Variants in ROBO2 observed in about 807,000 individuals in gnomAD.
ROBO2 encodes roundabout guidance receptor 2.
A neutral mutation model predicts 160.8 loss-of-function variants in ROBO2; 53 were observed. The observed-to-expected ratio is 0.33, with a 90% CI of 0.26 to 0.41. ROBO2 has a LOEUF of 0.41. Ranked by LOEUF, ROBO2 falls within the 10% of genes least tolerant of loss-of-function variation. The pLI, the probability that ROBO2 is intolerant of heterozygous loss-of-function variation, is 1.00. For synonymous variants in ROBO2, 664 were observed against 611.7 expected, an observed-to-expected ratio of 1.09 and a Z score of -1.26; for missense variants, 1,577 against 1,722.4, an observed-to-expected ratio of 0.92 and a Z score of 1.49.
intron 2 of ROBO2, among the ~76,000 whole-genome samples, chr3:76,954,493 A>T (rs1334490557): frequency 6.6e-6 from 1 of 152,158 alleles, no homozygotes; most frequent in Non-Finnish European, 1.5e-5. Flanking sequence ...TACTTCTAAC[A>T]CTATGTCTGT....
intron 6 of ROBO2, among the ~76,000 whole-genome samples, chr3:77,524,685 A>T (rs892335068): frequency 1.3e-5 from 2 of 151,392 alleles, no homozygotes; most frequent in Non-Finnish European, 3.0e-5. Context: ...TAATTTGCTG[A>T]AAGTTTCAGG....
chr3:77,115,334 A>G (rs1407408078), intron 2 of ROBO2, among the ~76,000 whole-genome samples: 1 of 152,226 alleles, frequency 6.6e-6, no homozygotes, highest in Non-Finnish European at 1.5e-5. Flanking sequence ...ACATGTACTC[A>G]GAAAATAGGA....
At chr3:77,442,070 T>C (rs2079979267) in intron 2 of ROBO2, among the ~76,000 whole-genome samples, 1 of 152,162 alleles carries the variant, frequency 6.6e-6, no homozygotes, top group South Asian at 2.1e-4. Flanking sequence ...CCCAGCACTT[T>C]GGGAGGCCTA....
At chr3:76,401,704 T>G (rs889377123) in intron 2 of ROBO2, among the ~76,000 whole-genome samples, 5 of 151,074 alleles carry the variant, frequency 3.3e-5, no homozygotes, top group African/African-American at 1.2e-4. Context: ...GTTTTACAGG[T>G]AAGGGAATAA....
intron 1 of ROBO2, among the ~76,000 whole-genome samples, chr3:77,076,415 C>CAACAG (rs1240426577): frequency 4.6e-5 from 7 of 152,034 alleles, no homozygotes; most frequent in African/African-American, 1.7e-4. Context: ...AAGCATTTAA[C>CAACAG]AACAGTTTAT....
At chr3:77,621,657 T>C (rs551822277) in intron 22 of ROBO2, among the ~76,000 whole-genome samples, 87 of 152,262 alleles carry the variant, frequency 5.7e-4, no homozygotes, top group Non-Finnish European at 1.2e-3. Flanking sequence ...AAATTAGTTG[T>C]GCCTACCCTA....
chr3:77,558,377 G>A (rs965265497), intron 9 of ROBO2, among the ~76,000 whole-genome samples: 14 of 151,994 alleles, frequency 9.2e-5, no homozygotes, highest in Middle Eastern at 3.2e-3. Context: ...TTTTATTCCT[G>A]TATCCCATTC....
At chr3:77,202,214 C>T (rs548566687) in intron 2 of ROBO2, among the ~76,000 whole-genome samples, 1 of 152,054 alleles carries the variant, frequency 6.6e-6, no homozygotes, top group East Asian at 1.9e-4. Flanking sequence ...GAGTTTTAAC[C>T]ATATGTGTTA....
chr3:76,275,536 T>G (rs1254457807), intron 2 of ROBO2, among the ~76,000 whole-genome samples: 1 of 152,160 alleles, frequency 6.6e-6, no homozygotes, highest in Non-Finnish European at 1.5e-5. Context: ...CTATTTCTAA[T>G]ACACAGAATG....
At chr3:76,331,977 C>T (rs1408620236) in intron 2 of ROBO2, among the ~76,000 whole-genome samples, 1 of 152,096 alleles carries the variant, frequency 6.6e-6, no homozygotes, top group African/African-American at 2.4e-5. Context: ...AGCCACTGCG[C>T]CCGCCCTAAT....
chr3:77,193,517 C>T (rs2082064104), intron 2 of ROBO2, among the ~76,000 whole-genome samples: 2 of 151,354 alleles, frequency 1.3e-5, no homozygotes, highest in South Asian at 4.2e-4. Flanking sequence ...TATCTAACCT[C>T]AAGTGATTCC....
intron 2 of ROBO2, among the ~76,000 whole-genome samples, chr3:76,978,189 T>G (rs2149312940): frequency 6.6e-6 from 1 of 152,312 alleles, no homozygotes; most frequent in South Asian, 2.1e-4. Context: ...GAGAACCTAC[T>G]TCAAGGTGGT....
intron 2 of ROBO2, among the ~76,000 whole-genome samples, chr3:76,996,672 C>T (rs2061030029): frequency 6.6e-6 from 1 of 152,114 alleles, no homozygotes; most frequent in Non-Finnish European, 1.5e-5. Context: ...TCAAACTGAA[C>T]TTCTTTTAAT....
At chr3:75,996,979 C>G (rs1265881596) in intron 2 of ROBO2, among the ~76,000 whole-genome samples, 1 of 152,210 alleles carries the variant, frequency 6.6e-6, no homozygotes, top group African/African-American at 2.4e-5. Flanking sequence ...ATGATCAGCA[C>G]TCTTCCTTCA....
intron 2 of ROBO2, among the ~76,000 whole-genome samples, chr3:75,951,710 T>C (rs1311190949): frequency 6.6e-6 from 1 of 152,014 alleles, no homozygotes; most frequent in Non-Finnish European, 1.5e-5. Flanking sequence ...AAACTACTAA[T>C]TGAAGGGGCA....
intron 23 of ROBO2, among the ~76,000 whole-genome samples, chr3:77,627,229 T>A (rs1194445982): frequency 6.6e-6 from 1 of 152,188 alleles, no homozygotes; most frequent in Non-Finnish European, 1.5e-5. Context: ...CTAATGAAGA[T>A]ATTTTTAATT....
At chr3:77,431,036 T>C (rs2078715499) in intron 2 of ROBO2, among the ~76,000 whole-genome samples, 2 of 152,234 alleles carry the variant, frequency 1.3e-5, no homozygotes, top group African/African-American at 4.8e-5. Context: ...CTATTTCTCA[T>C]CCTGATATTA....
chr3:76,536,785 G>A (rs1251858311), intron 2 of ROBO2, among the ~76,000 whole-genome samples: 1 of 152,068 alleles, frequency 6.6e-6, no homozygotes, highest in Non-Finnish European at 1.5e-5. Context: ...TAAATTGTAG[G>A]ACTGAGTCAA....
intron 2 of ROBO2, among the ~76,000 whole-genome samples, chr3:76,458,594 C>T (rs1484046733): frequency 6.6e-6 from 1 of 152,160 alleles, no homozygotes; most frequent in East Asian, 1.9e-4. Context: ...TTCAGCAAGA[C>T]CCCACTCTAC....
Sources: gnomAD v4.1 joint callset for allele counts (sites outside exome capture counted in the v4.1 genomes callset) on GRCh38, gnomAD v4.1.1 for gene constraint, MANE v1.5 for transcripts, NCBI Gene and HGNC (gene_info 2026-07-23, HGNC 2026-07-21) for gene names.